The following GAREM1 variants were observed in gnomAD, a reference collection of about 807,000 sequenced individuals.
GAREM1 encodes the protein GRB2-associated and regulator of MAPK protein 1.
Under a neutral mutation model 71.3 loss-of-function variants are expected in GAREM1, and 26 were observed. That is an observed-to-expected ratio of 0.36 (90% CI 0.27 to 0.51). The LOEUF is 0.51. GAREM1 is among the 20% of genes least tolerant of loss of function. GAREM1 has a pLI of 0.95. For missense variants in GAREM1, 1,026 were observed against 1,103.1 expected, an observed-to-expected ratio of 0.93 and a Z score of 0.99; for synonymous variants, 440 against 433.2, an observed-to-expected ratio of 1.02 and a Z score of -0.20.
At position 32,383,888 on chromosome 18, in the gene GAREM1, AG is replaced by A. The variant is rs147075322; in HGVS notation, c.262+9006del. On this transcript the variant is annotated intron_variant, in intron 2 of 5. Coordinates refer to ENST00000269209, the MANE Select transcript of GAREM1 (RefSeq NM_001242409.2). ...TAATTTGCAAGGATTCTGAGTAAAC[AG>A]GCTGAAATGTGAAAATAGCAATCAA... is the stretch of plus-strand genomic sequence containing the variant. Among the ~76,000 whole-genome samples, 990 of 152,248 alleles carry A rather than the reference AG, an allele frequency of 6.5e-3. 13 individuals are homozygous for A. The highest frequency in any genetic ancestry group is 0.02 in the African/African-American group (832 of 41,536).
intron 4 of GAREM1, among the ~76,000 whole-genome samples, chr18:32,279,682 C>T (rs1352719580): frequency 6.6e-6 from 1 of 152,080 alleles, no homozygotes. Flanking sequence ...AAATGCAATA[C>T]ACTTGAGTCA....
chr18:32,408,668 C>T (rs1452362130), intron 1 of GAREM1, among the ~76,000 whole-genome samples: 1 of 152,128 alleles, frequency 6.6e-6, no homozygotes, highest in Non-Finnish European at 1.5e-5. Flanking sequence ...CTCTCAATCC[C>T]TCCTCTTGTA....
intron 3 of GAREM1, among the ~76,000 whole-genome samples, chr18:32,300,139 T>C (rs991291386): frequency 5.3e-5 from 8 of 152,198 alleles, no homozygotes; most frequent in African/African-American, 1.9e-4. Context: ...TTGGTTAACA[T>C]TCACAGCTAC....
chr18:32,367,121 A>G lies in GAREM1; in HGVS notation c.262+25774T>C, dbSNP rs1221257233. ...AAAACAGGACACTGTACTCTCTTTT[A>G]AAATATATCTATATAAATCCTTTCA... is the stretch of plus-strand genomic sequence containing the variant. On this transcript the variant is annotated intron_variant, in intron 2 of 5. Transcript: ENST00000269209. Among the ~76,000 whole-genome samples, 4 of 152,226 alleles carry G rather than the reference A, an allele frequency of 2.6e-5. No homozygotes were observed. In the East Asian group the frequency reaches 5.8e-4, roughly 22 times the overall value.
At chr18:32,394,190 A>G (rs2144661247) in intron 1 of GAREM1, among the ~76,000 whole-genome samples, 1 of 152,286 alleles carries the variant, frequency 6.6e-6, no homozygotes, top group South Asian at 2.1e-4. Flanking sequence ...GCTTGAGTCC[A>G]GGAGTTTGAG....
At chr18:32,446,745 G>A (rs1021889878) in intron 1 of GAREM1, among the ~76,000 whole-genome samples, 30 of 152,100 alleles carry the variant, frequency 2.0e-4, no homozygotes, top group African/African-American at 6.5e-4. Context: ...GAGGCTTCCT[G>A]AGCTGATTAT....
At chr18:32,387,578 T>G (rs2048160728) in intron 2 of GAREM1, among the ~76,000 whole-genome samples, 2 of 152,238 alleles carry the variant, frequency 1.3e-5, no homozygotes, top group African/African-American at 4.8e-5. Context: ...TTCTCTATTA[T>G]TAGCAAAATA....
At chr18:32,347,938 A>C (rs1037860433) in intron 2 of GAREM1, among the ~76,000 whole-genome samples, 1 of 152,220 alleles carries the variant, frequency 6.6e-6, no homozygotes, top group African/African-American at 2.4e-5. Flanking sequence ...GAGTTCAAAA[A>C]TGGGAATGAA....
intron 1 of GAREM1, among the ~76,000 whole-genome samples, chr18:32,417,937 G>A (rs2048480058): frequency 6.6e-6 from 1 of 151,988 alleles, no homozygotes; most frequent in South Asian, 2.1e-4. Flanking sequence ...TTTTCCATGT[G>A]ATTATTATAC....
intron 3 of GAREM1, among the ~76,000 whole-genome samples, chr18:32,294,234 T>A (rs971076801): frequency 6.6e-6 from 1 of 152,162 alleles, no homozygotes; most frequent in African/African-American, 2.4e-5. Context: ...GTAAGGGACA[T>A]AATGGATTCA....
chr18:32,448,721 C>A (rs2048806471), intron 1 of GAREM1, among the ~76,000 whole-genome samples: 3 of 152,190 alleles, frequency 2.0e-5, no homozygotes, highest in Admixed American at 6.5e-5. Flanking sequence ...AAGTCTTTTA[C>A]AAACCAAGAA....
intron 1 of GAREM1, among the ~76,000 whole-genome samples, chr18:32,401,754 T>A (rs1310083822): frequency 6.6e-6 from 1 of 152,224 alleles, no homozygotes; most frequent in East Asian, 1.9e-4. Context: ...AAAAAAATGT[T>A]GTTTTCCGCA....
At position 32,264,112 on chromosome 18, in the gene GAREM1, C is replaced by T. The variant is rs1340799715; in HGVS notation, c.*3759G>A. The T allele has an allele frequency of 6.6e-6, 1 of 152,110 alleles. No homozygotes were observed. Among genetic ancestry groups the T allele is most frequent in the Admixed American group, 6.5e-5 (1 of 15,270 alleles). 9.4% of individuals were successfully genotyped at this position (152,110 alleles called of 1,614,324 possible). ...CATGAGAATCCCGTATTATTACAAT[C>T]CCACAATCTAAAAACTCTACTTCAC... On this transcript the variant is annotated 3_prime_UTR_variant, in exon 6 of 6. Coordinates refer to ENST00000269209, the MANE Select transcript of GAREM1 (RefSeq NM_001242409.2).
In GAREM1 at chr18:32,287,765, T is replaced by C; in HGVS notation, c.832A>G (p.Thr278Ala). The change falls in exon 4 of 6, where the codon ACC (threonine) becomes GCC (alanine). Residue 278 changes from threonine (T) to alanine (A), a missense_variant. This residue lies in a region of GAREM1 where 218 missense variants were observed against 296.8 expected (regional missense o/e 0.73). Transcript: ENST00000269209. The surrounding 1 kb of genome is among the most constrained non-coding windows in gnomAD (Gnocchi z 5.9). ...GHRYKFVNIQ[T>A]KTVVVCCVLR... Reference sequence around the variant, plus strand: ...ACACAGCAAACCACCACCGTCTTGGTCTGGATGTTCACAAACTTATAGCGG... The same window carrying C: ...ACACAGCAAACCACCACCGTCTTGGCCTGGATGTTCACAAACTTATAGCGG... The C allele has an allele frequency of 6.2e-7, 1 of 1,613,450 alleles. No individual in the cohort carries two copies. Among genetic ancestry groups the C allele is most frequent in the Non-Finnish European group, 8.5e-7 (1 of 1,179,948 alleles).
intron 3 of GAREM1, among the ~76,000 whole-genome samples, chr18:32,302,690 C>T (rs1011795877): frequency 6.6e-6 from 1 of 152,122 alleles, no homozygotes; most frequent in Non-Finnish European, 1.5e-5. Context: ...AGAATGGTGG[C>T]TGTCAGAGGC....
intron 2 of GAREM1, among the ~76,000 whole-genome samples, chr18:32,332,685 C>T (rs1253802852): frequency 1.3e-5 from 2 of 152,180 alleles, no homozygotes; most frequent in African/African-American, 4.8e-5. Flanking sequence ...CACACTGTCC[C>T]TGCTGTGTCT....
At chr18:32,291,652 C>A (rs911398033) in intron 3 of GAREM1, among the ~76,000 whole-genome samples, 1 of 151,984 alleles carries the variant, frequency 6.6e-6, no homozygotes, top group African/African-American at 2.4e-5. Context: ...CTTAGCCCCC[C>A]ACCCCCCAAC....
intron 1 of GAREM1, among the ~76,000 whole-genome samples, chr18:32,418,846 T>C (rs936709180): frequency 3.3e-5 from 5 of 152,168 alleles, no homozygotes; most frequent in Non-Finnish European, 5.9e-5. Flanking sequence ...TCAGCGTAAG[T>C]AGACAGAAAT....
chr18:32,361,808 T>C (rs2047868448), intron 2 of GAREM1, among the ~76,000 whole-genome samples: 1 of 152,204 alleles, frequency 6.6e-6, no homozygotes, highest in Non-Finnish European at 1.5e-5. Flanking sequence ...AACTGACAGG[T>C]AGAATGATAG....
Sources: allele counts gnomAD v4.1 joint callset (sites outside exome capture counted in the v4.1 genomes callset), GRCh38; gene constraint gnomAD v4.1.1; regional missense constraint gnomAD v4.1.1; non-coding constraint Gnocchi (gnomAD v3.1); transcripts MANE v1.5; gene names NCBI Gene and HGNC (gene_info 2026-07-23, HGNC 2026-07-21).